Variants in NXPE2 observed in about 807,000 individuals in gnomAD.
NXPE2 encodes NXPE family member 2.
In NXPE2, 34 loss-of-function variants were observed where a neutral mutation model predicts 34.4. The observed-to-expected ratio is 0.99, with a 90% CI of 0.75 to 1.31. The LOEUF (loss-of-function observed/expected upper bound fraction) is 1.31. Ranked by LOEUF, NXPE2 falls within the 40% of genes most tolerant of loss-of-function variation. The pLI, the probability that NXPE2 is intolerant of heterozygous loss-of-function variation, is 0.00. For synonymous variants in NXPE2, 235 were observed against 231.3 expected (o/e 1.02, Z -0.15); for missense variants, 649 against 672.5 (o/e 0.97, Z 0.39).
chr11:114,561,820 T>A, the NXPE2 span, among the ~76,000 whole-genome samples: 1 of 152,232 alleles, frequency 6.6e-6, no homozygotes, highest in Non-Finnish European at 1.5e-5. Context: ...ATCTAATATC[T>A]GTTAACTTTT....
chr11:114,613,737 G>A, the NXPE2 span, among the ~76,000 whole-genome samples: 1 of 147,850 alleles, frequency 6.8e-6, no homozygotes, highest in Admixed American at 6.7e-5. Flanking sequence ...GTCTCATGGG[G>A]AACCACTGTT....
the NXPE2 span, among the ~76,000 whole-genome samples, chr11:114,647,533 T>A: frequency 6.6e-6 from 1 of 152,146 alleles, no homozygotes; most frequent in Non-Finnish European, 1.5e-5. Flanking sequence ...CTTAAGACAA[T>A]TTTGGTATTC....
At chr11:114,528,686 C>A in the NXPE2 span, 3 of 464,428 alleles carry the variant, frequency 6.5e-6, no homozygotes, top group Non-Finnish European at 1.2e-5. Context: ...AGCTCTTACT[C>A]ACACTTTGTT....
chr11:114,539,998 C>G, the NXPE2 span, among the ~76,000 whole-genome samples: 1 of 152,188 alleles, frequency 6.6e-6, no homozygotes, highest in African/African-American at 2.4e-5. Flanking sequence ...AATATAAAGA[C>G]ATTTATAATT....
At chr11:114,727,462 A>T in the NXPE2 span, among the ~76,000 whole-genome samples, 23 of 152,070 alleles carry the variant, frequency 1.5e-4, no homozygotes, top group African/African-American at 5.3e-4. Flanking sequence ...TTAGGACTTC[A>T]AGAAATGAAG....
chr11:114,551,034 C>A, the NXPE2 span: 1 of 807,506 alleles, frequency 1.2e-6, no homozygotes. Flanking sequence ...TGGAGTGGGA[C>A]TGACTTGAGG....
At chr11:114,754,114 G>A in the NXPE2 span, among the ~76,000 whole-genome samples, 7 of 152,132 alleles carry the variant, frequency 4.6e-5, no homozygotes, top group South Asian at 2.1e-4. Flanking sequence ...AATATTTGCC[G>A]AATAGAGAAA....
At chr11:114,528,251 G>C in the NXPE2 span, among the ~76,000 whole-genome samples, 1 of 152,098 alleles carries the variant, frequency 6.6e-6, no homozygotes, top group Non-Finnish European at 1.5e-5. Flanking sequence ...TTGGATTACT[G>C]TGAGCCTCTA....
At chr11:114,478,239 T>C in the NXPE2 span, among the ~76,000 whole-genome samples, 1 of 152,096 alleles carries the variant, frequency 6.6e-6, no homozygotes. Context: ...GTAGTTACAA[T>C]TTGGAGCCAG....
At chr11:114,711,859 G>A (rs1466777049), downstream of NXPE2, among the ~76,000 whole-genome samples, 4 of 152,114 alleles carry the variant, frequency 2.6e-5, no homozygotes, top group Non-Finnish European at 5.9e-5. Context: ...ATACTTCAAA[G>A]CAACAATAAT....
chr11:114,779,469 G>A, the NXPE2 span, among the ~76,000 whole-genome samples: 3 of 152,142 alleles, frequency 2.0e-5, no homozygotes, highest in Non-Finnish European at 2.9e-5. Context: ...TGGGTGCCAG[G>A]AGCCACTTGG....
chr11:114,743,542 T>G, the NXPE2 span, among the ~76,000 whole-genome samples: 8 of 152,160 alleles, frequency 5.3e-5, no homozygotes, highest in Non-Finnish European at 1.0e-4. Flanking sequence ...TGTACAGCTT[T>G]AGAATTTACA....
At chr11:114,712,572 C>T in the NXPE2 span, among the ~76,000 whole-genome samples, 6 of 152,198 alleles carry the variant, frequency 3.9e-5, no homozygotes, top group Non-Finnish European at 8.8e-5. Context: ...TGAGGTATCA[C>T]CTCACATCCA....
chr11:114,611,561 A>C, the NXPE2 span, among the ~76,000 whole-genome samples: 14 of 151,906 alleles, frequency 9.2e-5, no homozygotes, highest in African/African-American at 3.4e-4. Context: ...TTGGGTAACC[A>C]GTATTACCTG....
the NXPE2 span, chr11:114,522,352 A>C: frequency 6.2e-7 from 1 of 1,614,112 alleles, no homozygotes; most frequent in Non-Finnish European, 8.5e-7. Context: ...CAATTTCCCG[A>C]GGGATATAAT....
the NXPE2 span, chr11:114,583,968 C>A: frequency 7.2e-5 from 27 of 377,422 alleles, 1 homozygote; most frequent in Admixed American, 6.6e-4. Context: ...TCCTATGAGG[C>A]CATTTTCAAA....
chr11:114,813,236 G>A, the NXPE2 span, among the ~76,000 whole-genome samples: 2 of 152,232 alleles, frequency 1.3e-5, no homozygotes, highest in African/African-American at 4.8e-5. Flanking sequence ...GCTGCCATGA[G>A]ATCCTCCCTC....
the NXPE2 span, among the ~76,000 whole-genome samples, chr11:114,505,970 A>T: frequency 7.6e-3 from 1,164 of 152,292 alleles, 3 homozygotes; most frequent in Non-Finnish European, 0.013. Flanking sequence ...GCTGTCTTCA[A>T]GAGATCCATC....
At chr11:114,522,081 C>T in the NXPE2 span, 1 of 1,613,828 alleles carries the variant, frequency 6.2e-7, no homozygotes, top group African/African-American at 1.3e-5. Flanking sequence ...ATGATGCCCA[C>T]GTTGAGGTCT....
Sources: gnomAD v4.1 joint callset for allele counts (sites outside exome capture counted in the v4.1 genomes callset) on GRCh38, gnomAD v4.1.1 for gene constraint, MANE v1.5 for transcripts, NCBI Gene and HGNC (gene_info 2026-07-23, HGNC 2026-07-21) for gene names.